The following CWC27 variants were observed in gnomAD, a reference collection of about 807,000 sequenced individuals.
The protein encoded by CWC27 is CWC27 spliceosome associated cyclophilin.
CWC27 carries 47 observed loss-of-function variants against 63.6 expected under a neutral mutation model. The observed-to-expected ratio is 0.74, with a 90% CI of 0.58 to 0.94. The LOEUF is 0.94. Ranked by LOEUF, CWC27 falls within the 40% of genes least tolerant of loss-of-function variation. The pLI, the probability that CWC27 is intolerant of heterozygous loss-of-function variation, is 0.00. For synonymous variants in CWC27, 175 were observed against 179.8 expected (o/e 0.97, Z 0.22); for missense variants, 495 against 554.3 (o/e 0.89, Z 1.07).
chr5:64,798,927 G>A (rs1047606832), intron 7 of CWC27, among the ~76,000 whole-genome samples: 2 of 152,154 alleles, frequency 1.3e-5, no homozygotes, highest in African/African-American at 4.8e-5. Context: ...GGGGTGGTGA[G>A]CATCTTCCCC....
chr5:64,895,551 T>G (rs1747351198), intron 11 of CWC27, among the ~76,000 whole-genome samples: 1 of 152,038 alleles, frequency 6.6e-6, no homozygotes, highest in African/African-American at 2.4e-5. Context: ...AAGGAAAGTA[T>G]AAAAAGAAAA....
intron 10 of CWC27, among the ~76,000 whole-genome samples, chr5:64,812,276 C>A (rs1018615724): frequency 6.6e-5 from 10 of 151,970 alleles, no homozygotes; most frequent in Non-Finnish European, 1.2e-4. Context: ...ATTATAACAA[C>A]CCAATTCAAA....
rs1391462659 is a variant in CWC27, at chr5:64,943,104, G to GCAC, written c.1043-28599_1043-28598insCAC. ...CAGGTATGCTTTTCAATAAAAACTG[G>GCAC]TGATAGCAGTGGTAAAATGTTTCAT... On this transcript the variant is annotated intron_variant, in intron 11 of 13. Transcript: ENST00000381070. Among the ~76,000 whole-genome samples the GCAC allele has an allele frequency of 4.1e-3, 617 of 152,166 alleles. 9 individuals are homozygous for GCAC. The highest frequency in any genetic ancestry group is 7.5e-3 in the South Asian group (36 of 4,824).
chr5:64,854,945 A>T (rs1210248620), intron 10 of CWC27, among the ~76,000 whole-genome samples: 2 of 152,122 alleles, frequency 1.3e-5, no homozygotes, highest in Non-Finnish European at 2.9e-5. Context: ...TTCTTTTTTG[A>T]AAGATTTATC....
chr5:64,902,679 G>A (rs1317378745), intron 11 of CWC27, among the ~76,000 whole-genome samples: 2 of 152,076 alleles, frequency 1.3e-5, no homozygotes, highest in Non-Finnish European at 2.9e-5. Context: ...ATTTTTCAAA[G>A]TTGTTTTGTC....
intron 11 of CWC27, among the ~76,000 whole-genome samples, chr5:64,901,584 A>G (rs1747512486): frequency 6.6e-6 from 1 of 152,182 alleles, no homozygotes. Context: ...AGTTAATATG[A>G]AGGCCTAGGA....
chr5:64,984,762 T>G (rs1215642062), intron 13 of CWC27, among the ~76,000 whole-genome samples: 1 of 152,202 alleles, frequency 6.6e-6, no homozygotes, highest in Admixed American at 6.5e-5. Flanking sequence ...TCCAATAATA[T>G]TTTTCACGGA....
chr5:64,869,228 C>T (rs1580689886), intron 10 of CWC27, among the ~76,000 whole-genome samples: 1 of 151,926 alleles, frequency 6.6e-6, no homozygotes, highest in Non-Finnish European at 1.5e-5. Flanking sequence ...AGCTGTTCAC[C>T]GTATTCTATA....
At chr5:64,786,007 A>G (rs1743869919) in intron 5 of CWC27, among the ~76,000 whole-genome samples, 1 of 151,908 alleles carries the variant, frequency 6.6e-6, no homozygotes, top group South Asian at 2.1e-4. Context: ...TACTAAAAAT[A>G]CAAAAAAAAT....
intron 12 of CWC27, chr5:64,972,681 A>G (rs987281921): frequency 4.4e-6 from 2 of 455,038 alleles, no homozygotes; most frequent in South Asian, 1.6e-5. Context: ...TTTTCATGAA[A>G]TCACAAAGTC....
In CWC27 at chr5:64,769,015, G is replaced by T; in HGVS notation, c.-132G>T. ...GTAGTGTTTGGTGTCCCTGTCTTGC[G>T]TGATATTGACAAACTGAAGCTTTCC... is the stretch of plus-strand genomic sequence containing the variant. On this transcript the variant is annotated 5_prime_UTR_variant, in exon 1 of 14. Coordinates refer to ENST00000381070, the MANE Select transcript of CWC27 (RefSeq NM_005869.4). 1 of 743,958 alleles carries T rather than the reference G, an allele frequency of 1.3e-6. No homozygotes were observed. 46.1% of individuals were successfully genotyped at this position (743,958 alleles called of 1,614,324 possible). A position where few individuals can be genotyped will look rare whatever the true frequency, so the allele number is the denominator to read the frequency against.
chr5:65,003,429 A>G (rs1749769670), intron 13 of CWC27, among the ~76,000 whole-genome samples: 1 of 150,908 alleles, frequency 6.6e-6, no homozygotes, highest in African/African-American at 2.4e-5. Flanking sequence ...TTGCAGTTTT[A>G]TGATCTTCTG....
intron 2 of CWC27, among the ~76,000 whole-genome samples, chr5:64,776,372 A>G (rs1743455666): frequency 6.6e-6 from 1 of 152,154 alleles, no homozygotes; most frequent in African/African-American, 2.4e-5. Context: ...GCAATCCATG[A>G]CCAGGTGAAT....
Position 64,814,361 on chromosome 5 carries a change from A to G in CWC27, c.938+9975A>G, listed in dbSNP as rs118161480. On this transcript the variant is annotated intron_variant, in intron 10 of 13. Coordinates refer to ENST00000381070, the MANE Select transcript of CWC27 (RefSeq NM_005869.4). ...GTTTCTAATAAGCAACTTGAAAACA[A>G]TACCTAACCTATACAAATGAATAAG... Among the ~76,000 whole-genome samples, 229 of 152,184 alleles carry G rather than the reference A, an allele frequency of 1.5e-3. 2 individuals carry two copies. The East Asian group carries it at 0.016, about 11-fold the overall frequency.
chr5:64,814,022 G>A (rs941930346), intron 10 of CWC27, among the ~76,000 whole-genome samples: 4 of 151,840 alleles, frequency 2.6e-5, no homozygotes, highest in Non-Finnish European at 5.9e-5. Context: ...TTTGAATGCA[G>A]CCCATCCTGG....
At chr5:64,882,117 A>G (rs1746953762) in intron 10 of CWC27, among the ~76,000 whole-genome samples, 1 of 152,222 alleles carries the variant, frequency 6.6e-6, no homozygotes, top group Non-Finnish European at 1.5e-5. Context: ...ACCTGAGAAC[A>G]CATAATGACA....
At chr5:64,919,897 C>A (rs986479656) in intron 11 of CWC27, among the ~76,000 whole-genome samples, 1 of 152,128 alleles carries the variant, frequency 6.6e-6, no homozygotes, top group Non-Finnish European at 1.5e-5. Flanking sequence ...TTTTGGTAGA[C>A]ACATTGATTT....
intron 11 of CWC27, among the ~76,000 whole-genome samples, chr5:64,923,263 C>T (rs1405710557): frequency 6.6e-6 from 1 of 152,132 alleles, no homozygotes; most frequent in Non-Finnish European, 1.5e-5. Flanking sequence ...TGAGGCTGTG[C>T]TGCATTCAGA....
intron 11 of CWC27, among the ~76,000 whole-genome samples, chr5:64,896,349 C>A (rs970811413): frequency 6.6e-6 from 1 of 151,936 alleles, no homozygotes; most frequent in Non-Finnish European, 1.5e-5. Context: ...ACCTATAATA[C>A]AAAGAGTTAG....
Sources: allele counts gnomAD v4.1 joint callset (sites outside exome capture counted in the v4.1 genomes callset), GRCh38; gene constraint gnomAD v4.1.1; transcripts MANE v1.5; gene names NCBI Gene and HGNC (gene_info 2026-07-23, HGNC 2026-07-21).